The following MACROD2 variants were observed in gnomAD, a reference collection of about 807,000 sequenced individuals.
MACROD2 encodes the protein ADP-ribose glycohydrolase MACROD2.
MACROD2 carries 36 observed loss-of-function variants against 70.4 expected under a neutral mutation model. That is an observed-to-expected ratio of 0.51 (90% CI 0.39 to 0.68). The LOEUF is 0.68. MACROD2 is among the 30% of genes least tolerant of loss of function. The probability of loss-of-function intolerance (pLI) is 0.00; values close to 1 mark genes in which losing one functional copy is unlikely to be tolerated. For missense variants in MACROD2, 496 were observed against 538.4 expected, an observed-to-expected ratio of 0.92 and a Z score of 0.78; for synonymous variants, 172 against 178.8, an observed-to-expected ratio of 0.96 and a Z score of 0.30.
At chr20:16,040,489 T>G (rs2067293398) in intron 15 of MACROD2, among the ~76,000 whole-genome samples, 1 of 152,030 alleles carries the variant, frequency 6.6e-6, no homozygotes, top group Admixed American at 6.6e-5. Context: ...TTATAAAAAC[T>G]TAAGAGAGAT....
At chr20:14,866,699 A>G (rs994330148) in intron 5 of MACROD2, among the ~76,000 whole-genome samples, 43 of 152,114 alleles carry the variant, frequency 2.8e-4, no homozygotes, top group Admixed American at 1.2e-3. Context: ...GCTTGCAGGT[A>G]AAGAGTGAGC....
At chr20:14,497,756 A>G (rs1177636716) in intron 4 of MACROD2, among the ~76,000 whole-genome samples, 2 of 151,820 alleles carry the variant, frequency 1.3e-5, no homozygotes, top group African/African-American at 4.9e-5. Flanking sequence ...ATATATACAT[A>G]CACAGAGATA....
At chr20:15,089,630 T>C (rs1224988069) in intron 5 of MACROD2, among the ~76,000 whole-genome samples, 1 of 152,082 alleles carries the variant, frequency 6.6e-6, no homozygotes, top group African/African-American at 2.4e-5. Flanking sequence ...CCCTCCTACA[T>C]TATCTGGGAA....
intron 8 of MACROD2, among the ~76,000 whole-genome samples, chr20:15,591,582 G>A (rs1187758746): frequency 3.1e-5 from 2 of 63,522 alleles, no homozygotes; most frequent in Non-Finnish European, 5.2e-5. Flanking sequence ...AGGAAAGCCA[G>A]TACTAAAAAA....
At chr20:15,613,840 T>C (rs2049002251) in intron 8 of MACROD2, among the ~76,000 whole-genome samples, 1 of 152,226 alleles carries the variant, frequency 6.6e-6, no homozygotes, top group South Asian at 2.1e-4. Context: ...TATCTTAAAA[T>C]TGATAAGTTG....
At chr20:14,638,182 C>T (rs1371394726) in intron 4 of MACROD2, among the ~76,000 whole-genome samples, 2 of 152,052 alleles carry the variant, frequency 1.3e-5, no homozygotes. Context: ...TGAATTATCT[C>T]TATCATGAGC....
intron 3 of MACROD2, among the ~76,000 whole-genome samples, chr20:14,099,134 C>T (rs552212831): frequency 6.6e-5 from 10 of 152,126 alleles, no homozygotes; most frequent in Middle Eastern, 3.4e-3. Flanking sequence ...AAAAATTAGC[C>T]GGGCGTGGTG....
At chr20:14,094,394 C>T (rs2054194725) in intron 3 of MACROD2, among the ~76,000 whole-genome samples, 1 of 152,184 alleles carries the variant, frequency 6.6e-6, no homozygotes, top group Non-Finnish European at 1.5e-5. Context: ...TCAATTTGTA[C>T]ATATGACATA....
intron 8 of MACROD2, among the ~76,000 whole-genome samples, chr20:15,590,716 C>G (rs1319103193): frequency 6.6e-6 from 1 of 151,994 alleles, no homozygotes; most frequent in South Asian, 2.1e-4. Flanking sequence ...AAACCTATCT[C>G]TACAATACAA....
At chr20:15,318,758 T>A (rs2146166449) in intron 6 of MACROD2, among the ~76,000 whole-genome samples, 1 of 152,052 alleles carries the variant, frequency 6.6e-6, no homozygotes, top group Admixed American at 6.5e-5. Flanking sequence ...TTTGACACAA[T>A]CCAAAACCTT....
intron 4 of MACROD2, among the ~76,000 whole-genome samples, chr20:14,646,029 A>AT (rs1985373671): frequency 6.6e-6 from 1 of 150,778 alleles, no homozygotes; most frequent in African/African-American, 2.4e-5. Context: ...AATAACTTAT[A>AT]TATTAAATAA....
intron 8 of MACROD2, among the ~76,000 whole-genome samples, chr20:15,764,041 G>A (rs1238424799): frequency 6.6e-6 from 1 of 152,166 alleles, no homozygotes; most frequent in Admixed American, 6.5e-5. Flanking sequence ...GCAGGGTTTA[G>A]AACCAAACTG....
intron 3 of MACROD2, among the ~76,000 whole-genome samples, chr20:14,469,379 C>T (rs2084499702): frequency 6.6e-6 from 1 of 151,928 alleles, no homozygotes; most frequent in Non-Finnish European, 1.5e-5. Flanking sequence ...TTCGTTTCAA[C>T]CTTGGTGAAT....
At chr20:14,021,929 G>A (rs1029835459) in intron 2 of MACROD2, among the ~76,000 whole-genome samples, 3 of 152,156 alleles carry the variant, frequency 2.0e-5, no homozygotes, top group African/African-American at 7.2e-5. Context: ...AAGGGGAAAG[G>A]GAAGGACTGA....
chr20:14,298,298 T>C (rs2082443757), intron 3 of MACROD2, among the ~76,000 whole-genome samples: 1 of 151,904 alleles, frequency 6.6e-6, no homozygotes, highest in Non-Finnish European at 1.5e-5. Context: ...CTGGGTGTGG[T>C]GGCTCACGCC....
At chr20:14,638,998 T>C in intron 4 of MACROD2, among the ~76,000 whole-genome samples, 1 of 151,900 alleles carries the variant, frequency 6.6e-6, no homozygotes, top group Non-Finnish European at 1.5e-5. Flanking sequence ...TGTGTTAATC[T>C]CTTAGGTTAG....
At chr20:14,152,245 G>A (rs2055034558) in intron 3 of MACROD2, among the ~76,000 whole-genome samples, 1 of 151,912 alleles carries the variant, frequency 6.6e-6, no homozygotes, top group Non-Finnish European at 1.5e-5. Context: ...AGAGTCTTGT[G>A]GTTTTCTTTT....
intron 6 of MACROD2, among the ~76,000 whole-genome samples, chr20:15,430,371 T>C (rs2146355853): frequency 6.6e-6 from 1 of 152,210 alleles, no homozygotes; most frequent in East Asian, 1.9e-4. Flanking sequence ...CTCCGTACTG[T>C]TTTCTGTAGA....
intron 8 of MACROD2, among the ~76,000 whole-genome samples, chr20:15,810,334 T>C (rs1022191586): frequency 6.6e-5 from 10 of 151,958 alleles, no homozygotes; most frequent in African/African-American, 2.4e-4. Flanking sequence ...TACATGTGCA[T>C]GTGTCTTTAT....
Sources: allele counts gnomAD v4.1 joint callset (sites outside exome capture counted in the v4.1 genomes callset), GRCh38; gene constraint gnomAD v4.1.1; transcripts MANE v1.5; gene names NCBI Gene and HGNC (gene_info 2026-07-23, HGNC 2026-07-21).